Variants in ENTHD1 observed in about 807,000 individuals in gnomAD.
ENTHD1 encodes ENTH domain-containing protein 1.
Under a neutral mutation model 39.1 loss-of-function variants are expected in ENTHD1, and 23 were observed. The observed-to-expected ratio is 0.59, with a 90% CI of 0.42 to 0.83. The LOEUF is 0.83. Among genes scored for constraint, ENTHD1 ranks in the 40% least tolerant of loss-of-function variants. The pLI is 0.00. For synonymous variants in ENTHD1, 230 were observed against 258.2 expected, an observed-to-expected ratio of 0.89 and a Z score of 1.05; for missense variants, 624 against 705.4, an observed-to-expected ratio of 0.88 and a Z score of 1.31.
intron 5 of ENTHD1, among the ~76,000 whole-genome samples, chr22:39,771,598 A>C: frequency 6.6e-6 from 1 of 152,236 alleles, no homozygotes; most frequent in East Asian, 1.9e-4. Flanking sequence ...CCAGAGAAAG[A>C]TGACCCATTC....
At position 39,853,368 on chromosome 22, in the gene ENTHD1, T is replaced by TA. The variant is rs575222975; in HGVS notation, c.592+8396dup. Among the ~76,000 whole-genome samples, 220 of 150,342 alleles carry TA rather than the reference T, an allele frequency of 1.5e-3. 3 individuals are homozygous for TA. The East Asian group carries it at 0.024, about 16-fold the overall frequency. ...CAATATGGTGAAACCCTGTCTCTAC[T>TA]AAAAAAAAATACAAAAGTGAGTCGG... On this transcript the variant is annotated intron_variant, in intron 3 of 6. Coordinates refer to ENST00000325157, the MANE Select transcript of ENTHD1 (RefSeq NM_152512.4).
intron 3 of ENTHD1, among the ~76,000 whole-genome samples, chr22:39,836,573 T>C (rs2065909054): frequency 6.6e-6 from 1 of 152,236 alleles, no homozygotes. Context: ...ATCAGAAATG[T>C]ATAGATTATT....
intron 5 of ENTHD1, among the ~76,000 whole-genome samples, chr22:39,820,549 T>C (rs1263828595): frequency 1.3e-5 from 2 of 152,186 alleles, no homozygotes; most frequent in African/African-American, 4.8e-5. Context: ...TCGTGTAATT[T>C]ATTGGAGGCT....
chr22:39,875,643 C>G (rs542791007), intron 2 of ENTHD1: 1 of 1,612,130 alleles, frequency 6.2e-7, no homozygotes, highest in Non-Finnish European at 8.5e-7. Context: ...TATTTGGTAA[C>G]TGGAGTAACT....
chr22:39,883,771 C>T (rs549142242), intron 2 of ENTHD1, among the ~76,000 whole-genome samples: 2 of 145,756 alleles, frequency 1.4e-5, no homozygotes, highest in East Asian at 2.1e-4. Flanking sequence ...AGGAGAATGG[C>T]GTGAACCTGG....
At chr22:39,820,580 T>A (rs1324751956) in intron 5 of ENTHD1, among the ~76,000 whole-genome samples, 1 of 152,248 alleles carries the variant, frequency 6.6e-6, no homozygotes, top group East Asian at 1.9e-4. Flanking sequence ...AATTTTATAC[T>A]GTGCCTTTCT....
intron 3 of ENTHD1, among the ~76,000 whole-genome samples, chr22:39,838,996 A>C (rs532557563): frequency 6.6e-6 from 1 of 152,236 alleles, no homozygotes; most frequent in East Asian, 1.9e-4. Flanking sequence ...ATTCCCTTAG[A>C]TACATTTAAA....
chr22:39,811,768 A>C (rs922628407), intron 5 of ENTHD1, among the ~76,000 whole-genome samples: 1 of 152,074 alleles, frequency 6.6e-6, no homozygotes, highest in Non-Finnish European at 1.5e-5. Context: ...TCACAAGGTC[A>C]GGAGATCCAG....
chr22:39,862,138 C>T, intron 2 of ENTHD1, 131 bp from the exon 3 acceptor site: 2 of 567,532 alleles, frequency 3.5e-6, no homozygotes, highest in East Asian at 3.1e-5. Flanking sequence ...TAAAGAACTA[C>T]TGATAAGTAT....
intron 5 of ENTHD1, among the ~76,000 whole-genome samples, chr22:39,771,736 C>T (rs2065327207): frequency 2.0e-5 from 3 of 151,840 alleles, no homozygotes; most frequent in East Asian, 3.9e-4. Flanking sequence ...ATTCTATATC[C>T]AGCAACAATA....
intron 6 of ENTHD1, among the ~76,000 whole-genome samples, chr22:39,748,070 G>A (rs1017568444): frequency 6.6e-6 from 1 of 151,960 alleles, no homozygotes; most frequent in African/African-American, 2.4e-5. Flanking sequence ...GCAACATGGC[G>A]AAACCCCTTC....
chr22:39,784,310 A>G (rs970265110), intron 5 of ENTHD1, among the ~76,000 whole-genome samples: 3 of 152,186 alleles, frequency 2.0e-5, no homozygotes, highest in African/African-American at 7.2e-5. Context: ...ATGTAAAAAC[A>G]GTACTGCCAC....
chr22:39,843,653 C>A (rs1334806770), intron 3 of ENTHD1, among the ~76,000 whole-genome samples: 2 of 151,764 alleles, frequency 1.3e-5, no homozygotes, highest in African/African-American at 2.4e-5. Flanking sequence ...GGGAGGCAGG[C>A]AGGAAGGATC....
intron 3 of ENTHD1, among the ~76,000 whole-genome samples, chr22:39,854,948 C>T (rs1286621221): frequency 6.6e-6 from 1 of 152,190 alleles, no homozygotes; most frequent in Non-Finnish European, 1.5e-5. Context: ...CCTCCATTTT[C>T]TCTAATGCAA....
chr22:39,878,932 A>T (rs1387540793), intron 2 of ENTHD1, among the ~76,000 whole-genome samples: 7 of 152,136 alleles, frequency 4.6e-5, no homozygotes, highest in Non-Finnish European at 1.0e-4. Context: ...ATTATAAGGT[A>T]CTAGCACTAC....
intron 3 of ENTHD1, among the ~76,000 whole-genome samples, chr22:39,846,085 T>C (rs529664056): frequency 3.3e-5 from 5 of 152,312 alleles, no homozygotes; most frequent in Admixed American, 3.3e-4. Context: ...ACAGTTTCTT[T>C]GATAAGTGGT....
chr22:39,847,085 T>G (rs540636594), intron 3 of ENTHD1, among the ~76,000 whole-genome samples: 4 of 152,022 alleles, frequency 2.6e-5, no homozygotes, highest in South Asian at 2.1e-4. Flanking sequence ...GTTTATTGCG[T>G]CACTATTCAC....
intron 5 of ENTHD1, among the ~76,000 whole-genome samples, chr22:39,810,690 TTGC>T (rs1312191619): frequency 2.0e-5 from 3 of 152,232 alleles, no homozygotes; most frequent in African/African-American, 7.2e-5. Flanking sequence ...CGGTAGATTA[TTGC>T]AAATATAATC....
At chr22:39,821,516 TAATC>T (rs764404296) in intron 4 of ENTHD1, among the ~76,000 whole-genome samples, 3 of 152,246 alleles carry the variant, frequency 2.0e-5, no homozygotes, top group Admixed American at 6.5e-5. Flanking sequence ...ACACAAAAGA[TAATC>T]AATCCAATCA....
Sources: allele counts gnomAD v4.1 joint callset (sites outside exome capture counted in the v4.1 genomes callset), GRCh38; gene constraint gnomAD v4.1.1; transcripts MANE v1.5; gene names NCBI Gene and HGNC (gene_info 2026-07-23, HGNC 2026-07-21).